FBXO34: variants seen among roughly 807,000 people sequenced by gnomAD.
FBXO34 encodes the protein F-box protein 34.
Under a neutral mutation model 24.5 loss-of-function variants are expected in FBXO34, and 12 were observed. That is an observed-to-expected ratio of 0.49 (90% CI 0.31 to 0.79). FBXO34 has a LOEUF of 0.79. Among genes scored for constraint, FBXO34 ranks in the 30% least tolerant of loss-of-function variants. FBXO34 has a pLI of 0.04. For missense variants in FBXO34, 823 were observed against 857.7 expected, an observed-to-expected ratio of 0.96 and a Z score of 0.51; for synonymous variants, 320 against 311.9, an observed-to-expected ratio of 1.03 and a Z score of -0.27.
chr14:55,396,245 C>T, the FBXO34 span, among the ~76,000 whole-genome samples: 2,113 of 152,298 alleles, frequency 0.014, 57 homozygotes, highest in African/African-American at 0.048. Context: ...CCTTTGTCCT[C>T]AGTCATCATC....
rs578043008 is a variant in FBXO34 at position 55,334,063 on chromosome 14, A to G, written c.-10-16318A>G. The stretch of plus-strand genomic sequence containing the variant: ...AGAATTTTCCTTAAAATCTGATTAC[A>G]TAGGAATGTTTTAGTAAATAGAGTG... On this transcript the variant is annotated intron_variant, in intron 1 of 1. Transcript: ENST00000313833. Among the ~76,000 whole-genome samples the G allele has an allele frequency of 3.3e-5, 5 of 152,302 alleles. No individual in the cohort carries two copies. The South Asian group carries it at 8.3e-4, about 25-fold the overall frequency.
the FBXO34 span, among the ~76,000 whole-genome samples, chr14:55,429,363 C>T: frequency 6.6e-6 from 1 of 152,212 alleles, no homozygotes; most frequent in African/African-American, 2.4e-5. Flanking sequence ...TGCAGAAACT[C>T]TGGGGGTGGG....
the FBXO34 span, chr14:55,436,948 G>C: frequency 1.4e-5 from 22 of 1,614,116 alleles, no homozygotes; most frequent in African/African-American, 2.3e-4. Flanking sequence ...CGGATTGGAT[G>C]CATTCAGTAT....
chr14:55,371,335 C>T (rs369596532), downstream of FBXO34, among the ~76,000 whole-genome samples: 14 of 152,320 alleles, frequency 9.2e-5, 1 homozygote, highest in African/African-American at 3.4e-4. Flanking sequence ...ACCGTTGACT[C>T]ACTTTTTACA....
At chr14:55,298,414 G>A (rs1028299963) in intron 1 of FBXO34, among the ~76,000 whole-genome samples, 1 of 152,044 alleles carries the variant, frequency 6.6e-6, no homozygotes, top group African/African-American at 2.4e-5. Context: ...AGTGGAGGAA[G>A]TCCTTGAAAT....
chr14:55,307,392 G>A (rs562945559), intron 1 of FBXO34, among the ~76,000 whole-genome samples: 328 of 152,318 alleles, frequency 2.2e-3, no homozygotes, highest in Non-Finnish European at 3.7e-3. Context: ...AACAATGTGC[G>A]GGAAGAAGGT....
chr14:55,359,066 C>T (rs1884558328), intron 3 of FBXO34, among the ~76,000 whole-genome samples: 1 of 152,100 alleles, frequency 6.6e-6, no homozygotes, highest in Admixed American at 6.5e-5. Context: ...CGATGCACCA[C>T]TCCCAGCATA....
chr14:55,299,301 G>C, intron 1 of FBXO34: 1 of 645,760 alleles, frequency 1.5e-6, no homozygotes, highest in Admixed American at 2.2e-5. Flanking sequence ...GTGCAGGCAG[G>C]TTCCATCGCT....
At chr14:55,370,693 G>A (rs1248637318), downstream of FBXO34, among the ~76,000 whole-genome samples, 1 of 151,834 alleles carries the variant, frequency 6.6e-6, no homozygotes, top group Non-Finnish European at 1.5e-5. Context: ...CCAGGCTGGA[G>A]TGCAGTGGCG....
intron 1 of FBXO34, among the ~76,000 whole-genome samples, chr14:55,317,347 G>T (rs894435711): frequency 6.6e-6 from 1 of 152,102 alleles, no homozygotes. Context: ...AGGCGAGGTC[G>T]TGCATGCCTG....
At chr14:55,435,922 G>C in the FBXO34 span, 2 of 1,573,446 alleles carry the variant, frequency 1.3e-6, no homozygotes, top group Non-Finnish European at 1.7e-6. Context: ...GGTTTACAGT[G>C]GAAACTATAT....
At chr14:55,436,637 A>C in the FBXO34 span, 1 of 1,614,230 alleles carries the variant, frequency 6.2e-7, no homozygotes, top group Non-Finnish European at 8.5e-7. Flanking sequence ...GCCAGAGACA[A>C]GGAGTCGGAG....
intron 1 of FBXO34, among the ~76,000 whole-genome samples, chr14:55,334,558 A>C (rs1042794235): frequency 6.6e-6 from 1 of 151,898 alleles, no homozygotes; most frequent in African/African-American, 2.4e-5. Context: ...AGTAGATGTG[A>C]TCTGGGCAAC....
the FBXO34 span, among the ~76,000 whole-genome samples, chr14:55,415,280 TAAC>T: frequency 6.6e-6 from 1 of 152,232 alleles, no homozygotes; most frequent in Non-Finnish European, 1.5e-5. Context: ...GAAAGGACTA[TAAC>T]AACTGTTAGC....
the FBXO34 span, among the ~76,000 whole-genome samples, chr14:55,421,596 T>TG: frequency 1.8e-3 from 274 of 152,310 alleles, 1 homozygote; most frequent in Non-Finnish European, 3.3e-3. Context: ...CCCAAGTAGC[T>TG]GGGGTCACAG....
chr14:55,433,391 G>A, the FBXO34 span, among the ~76,000 whole-genome samples: 3 of 146,956 alleles, frequency 2.0e-5, no homozygotes, highest in African/African-American at 7.6e-5. Flanking sequence ...GGGCTCAAGC[G>A]ATCCTCCTGC....
chr14:55,306,708 C>G (rs1882558249), intron 1 of FBXO34, among the ~76,000 whole-genome samples: 2 of 152,178 alleles, frequency 1.3e-5, no homozygotes, highest in Admixed American at 1.3e-4. Context: ...TGGCACACGC[C>G]TGTAATCCCA....
intron 1 of FBXO34, among the ~76,000 whole-genome samples, chr14:55,303,673 C>A (rs559025915): frequency 8.7e-5 from 13 of 149,922 alleles, no homozygotes; most frequent in Admixed American, 8.6e-4. Context: ...AAAAAAAAAA[C>A]CCTTTATTTC....
rs1350745520 is a variant in FBXO34 at position 55,360,047 on chromosome 14, C to T, written c.*589-1686C>T. 2.0e-5 allele frequency among the ~76,000 whole-genome samples: 3 copies of T among 152,052 alleles called. 1 individual carries two copies. Among genetic ancestry groups the T allele is most frequent in the African/African-American group, 2.4e-5 (1 of 41,420 alleles). On this transcript the variant is annotated intron_variant and NMD_transcript_variant, in intron 3 of 3. Coordinates refer to the FBXO34 transcript ENST00000555280. ...GTGAGCCATGATCATTGCTACTGCA[C>T]TCCAGCCTGGATGAGAGTGAGGAAA... is the stretch of plus-strand genomic sequence containing the variant.
Sources: allele counts gnomAD v4.1 joint callset (sites outside exome capture counted in the v4.1 genomes callset), GRCh38; gene constraint gnomAD v4.1.1; transcripts MANE v1.5; gene names NCBI Gene and HGNC (gene_info 2026-07-23, HGNC 2026-07-21).